ADAMTS20: variants seen among roughly 807,000 people sequenced by gnomAD.
The protein encoded by ADAMTS20 is ADAM metallopeptidase with thrombospondin type 1 motif 20, also known as A disintegrin and metalloproteinase with thrombospondin motifs 20.
In ADAMTS20, 225 loss-of-function variants were observed where a neutral mutation model predicts 260.1. That is an observed-to-expected ratio of 0.87 (90% CI 0.78 to 0.97). The LOEUF (loss-of-function observed/expected upper bound fraction) is 0.97, where lower values mean the gene tolerates loss of function less well. ADAMTS20 is among the 50% of genes least tolerant of loss of function. The probability of loss-of-function intolerance (pLI) is 0.00; values close to 1 mark genes in which losing one functional copy is unlikely to be tolerated. For synonymous variants in ADAMTS20, 802 were observed against 769.5 expected (o/e 1.04, Z -0.70); for missense variants, 2,400 against 2,337.7 (o/e 1.03, Z -0.55).
intron 2 of ADAMTS20, among the ~76,000 whole-genome samples, chr12:43,535,291 GA>G (rs1253612415): frequency 1.3e-5 from 2 of 152,082 alleles, no homozygotes; most frequent in Non-Finnish European, 2.9e-5. Flanking sequence ...GTTAAACCGT[GA>G]AAGCTATTAT....
intron 29 of ADAMTS20, 49 bp from the exon 30 acceptor site, chr12:43,384,026 T>TTA (rs754097223): frequency 1.0e-5 from 16 of 1,526,382 alleles, no homozygotes; most frequent in Middle Eastern, 1.7e-4. Flanking sequence ...AAATACCAAA[T>TTA]TATATAAAAG....
intron 3 of ADAMTS20, among the ~76,000 whole-genome samples, chr12:43,511,603 A>G (rs924686668): frequency 3.9e-5 from 6 of 152,118 alleles, no homozygotes; most frequent in Admixed American, 6.5e-5. Context: ...AGCAAGACAA[A>G]AGAGTTTATC....
At chr12:43,513,903 G>A (rs1010054105) in intron 3 of ADAMTS20, among the ~76,000 whole-genome samples, 2 of 140,288 alleles carry the variant, frequency 1.4e-5, no homozygotes, top group African/African-American at 5.2e-5. Flanking sequence ...ACACCCCCAG[G>A]CCTGTTGCGG....
chr12:43,532,344 T>C, intron 2 of ADAMTS20, 149 bp from the exon 3 acceptor site: 1 of 615,618 alleles, frequency 1.6e-6, no homozygotes, highest in Non-Finnish European at 2.7e-6. Context: ...AAAGTTTCCC[T>C]TCCCTGGGTC....
At chr12:43,486,165 C>T (rs920531241) in intron 7 of ADAMTS20, among the ~76,000 whole-genome samples, 2 of 151,954 alleles carry the variant, frequency 1.3e-5, no homozygotes, top group Non-Finnish European at 2.9e-5. Context: ...AACACATACC[C>T]AACTTCAAAC....
In ADAMTS20 at chr12:43,440,058, C is replaced by A. The variant is rs531646543; in HGVS notation, c.2302G>T (p.Ala768Ser). Residue 768 changes from alanine (A) to serine (S), a missense_variant, in exon 17 of 39, where the codon GCT becomes TCT. Coordinates refer to ENST00000389420, the MANE Select transcript of ADAMTS20 (RefSeq NM_025003.5). ...CCATTGAAAAGAAAATTCCCTTCAG[C>A]GTCAGATAATGCTGTAAAAGAATAA... is the stretch of plus-strand genomic sequence containing the variant. ...PDDSYLALSDAEGNFLFNGNF... is the reference protein window; with the variant it reads ...PDDSYLALSDSEGNFLFNGNF... The A allele has an allele frequency of 3.2e-6, 5 of 1,554,170 alleles. No individual in the cohort carries two copies. Among genetic ancestry groups the A allele is most frequent in the Non-Finnish European group, 4.4e-6 (5 of 1,149,014 alleles).
At chr12:43,424,093 C>A (rs1941285790) in intron 28 of ADAMTS20, among the ~76,000 whole-genome samples, 1 of 152,006 alleles carries the variant, frequency 6.6e-6, no homozygotes, top group African/African-American at 2.4e-5. Context: ...AAAACAAGAG[C>A]AGGCATCAAG....
chr12:43,502,209 T>G lies in ADAMTS20; in HGVS notation c.810A>C (p.Lys270Asn). The G allele has an allele frequency of 1.2e-6, 2 of 1,610,788 alleles. No homozygotes were observed. Among genetic ancestry groups the G allele is most frequent in the Admixed American group, 1.7e-5 (1 of 59,204 alleles). ...AATTCGATCCATGAGCAGAAACCAC[T>G]TTAGCATCAGCTGTAACCATAATTT... ...YIEIMVTADAKVVSAHGSNLQ... is the reference protein window; with the variant it reads ...YIEIMVTADANVVSAHGSNLQ... Residue 270 changes from lysine (K) to asparagine (N), a missense_variant, in exon 4 of 39, where the codon AAA (lysine) becomes AAC (asparagine). Transcript: ENST00000389420.
chr12:43,506,310 A>G (rs1044217938), intron 3 of ADAMTS20, among the ~76,000 whole-genome samples: 1 of 151,676 alleles, frequency 6.6e-6, no homozygotes, highest in African/African-American at 2.4e-5. Flanking sequence ...CAAAAAGTAT[A>G]CTGGTGGTTA....
chr12:43,411,892 TAG>T lies in ADAMTS20; in HGVS notation c.4285-12661_4285-12660del, dbSNP rs1941039262. 2.0e-5 allele frequency among the ~76,000 whole-genome samples: 3 copies of T among 152,160 alleles called. No individual in the cohort carries two copies. The South Asian group carries it at 6.2e-4, about 31-fold the overall frequency. On this transcript the variant is annotated intron_variant, in intron 28 of 38. Transcript: ENST00000389420. ...AGCCTCAGAGTGACACAGAAAACTT[TAG>T]AGAGAACATTTAATAAAATACAAAG...
intron 11 of ADAMTS20, among the ~76,000 whole-genome samples, chr12:43,460,001 C>T (rs1942032068): frequency 6.6e-6 from 1 of 152,114 alleles, no homozygotes; most frequent in East Asian, 1.9e-4. Flanking sequence ...CACACACACT[C>T]ATTAGATAGT....
In ADAMTS20 at chr12:43,552,001, C is replaced by G; in HGVS notation, c.-80G>C. The G allele has an allele frequency of 8.8e-7, 1 of 1,130,888 alleles. No homozygotes were observed. The highest frequency in any genetic ancestry group is 1.3e-6 in the Non-Finnish European group (1 of 764,802). The allele number at this position is 1,130,888 out of a possible 1,614,324, so 70.1% of individuals were successfully genotyped here. A position where few individuals can be genotyped will look rare whatever the true frequency, so the allele number is the denominator to read the frequency against. ...AGCCGGCTTCCCTCGCGCTCCGATCCCTCTCCTCCCTCTCGCCCGCCGCTC... is the reference window on the plus strand; with the variant it reads ...AGCCGGCTTCCCTCGCGCTCCGATCGCTCTCCTCCCTCTCGCCCGCCGCTC... On this transcript the variant is annotated 5_prime_UTR_variant, in exon 1 of 39. Coordinates refer to ENST00000389420, the MANE Select transcript of ADAMTS20 (RefSeq NM_025003.5).
intron 29 of ADAMTS20, among the ~76,000 whole-genome samples, chr12:43,384,528 T>C (rs1042175828): frequency 1.3e-5 from 2 of 152,186 alleles, no homozygotes; most frequent in Non-Finnish European, 2.9e-5. Context: ...TAGGTATACA[T>C]GTGCCATGGT....
At chr12:43,427,284 A>T (rs1592062571) in intron 27 of ADAMTS20, 24 bp downstream of exon 27, 1 of 1,608,380 alleles carries the variant, frequency 6.2e-7, no homozygotes, top group African/African-American at 1.3e-5. Context: ...TAATCTCACA[A>T]GTTTAGAAAA....
intron 3 of ADAMTS20, among the ~76,000 whole-genome samples, chr12:43,510,421 T>C (rs1305669559): frequency 1.3e-5 from 2 of 152,042 alleles, no homozygotes; most frequent in African/African-American, 4.8e-5. Flanking sequence ...TATTACTATT[T>C]TCTTGGCTAA....
chr12:43,438,273 C>T (rs2137321589), intron 18 of ADAMTS20, among the ~76,000 whole-genome samples: 1 of 152,252 alleles, frequency 6.6e-6, no homozygotes, highest in South Asian at 2.1e-4. Context: ...TCTCCTGTTT[C>T]TGAAATTTCT....
rs1298292615 is a variant in ADAMTS20, at chr12:43,479,150, T to A, written c.1118-10445A>T. On this transcript the variant is annotated intron_variant, in intron 7 of 38. Coordinates refer to ENST00000389420, the MANE Select transcript of ADAMTS20 (RefSeq NM_025003.5). ...ACTCTATTTTTTCTTTAAAAAGCAT[T>A]ATCAGAGATAAAGAGAGTCACTACA... Among the ~76,000 whole-genome samples, 8 of 152,200 alleles carry A rather than the reference T, an allele frequency of 5.3e-5. No homozygotes were observed. The East Asian group carries it at 1.5e-3, about 29-fold the overall frequency.
intron 5 of ADAMTS20, 110 bp from the exon 6 acceptor site, chr12:43,492,739 G>A: frequency 8.0e-7 from 1 of 1,243,470 alleles, no homozygotes; most frequent in Non-Finnish European, 1.1e-6. Context: ...ACAGGTGAAT[G>A]AAGGAGTGAC....
intron 7 of ADAMTS20, among the ~76,000 whole-genome samples, chr12:43,471,076 G>C (rs1273705003): frequency 6.6e-6 from 1 of 152,064 alleles, no homozygotes; most frequent in African/African-American, 2.4e-5. Context: ...CTGAGGTACC[G>C]GGTTCATCTC....
Sources: allele counts gnomAD v4.1 joint callset (sites outside exome capture counted in the v4.1 genomes callset), GRCh38; gene constraint gnomAD v4.1.1; transcripts MANE v1.5; gene names NCBI Gene and HGNC (gene_info 2026-07-23, HGNC 2026-07-21).